CFAP61: variants seen among roughly 807,000 people sequenced by gnomAD.
CFAP61 encodes the protein cilia and flagella associated protein 61.
Under a neutral mutation model 135.6 loss-of-function variants are expected in CFAP61, and 107 were observed. That is an observed-to-expected ratio of 0.79 (90% CI 0.67 to 0.93). The LOEUF (loss-of-function observed/expected upper bound fraction) is 0.93, where lower values mean the gene tolerates loss of function less well. Ranked by LOEUF, CFAP61 falls within the 40% of genes least tolerant of loss-of-function variation. CFAP61 has a pLI of 0.00. For synonymous variants in CFAP61, 575 were observed against 578.5 expected (o/e 0.99, Z 0.09); for missense variants, 1,507 against 1,556.2 (o/e 0.97, Z 0.53).
chr20:20,237,738 G>T (rs2049707425), intron 18 of CFAP61, among the ~76,000 whole-genome samples: 1 of 152,136 alleles, frequency 6.6e-6, no homozygotes, highest in Non-Finnish European at 1.5e-5. Flanking sequence ...TCTTAAAATT[G>T]TTCTTTTACA....
intron 24 of CFAP61, among the ~76,000 whole-genome samples, chr20:20,297,018 G>A (rs562075216): frequency 8.6e-5 from 13 of 151,946 alleles, no homozygotes; most frequent in African/African-American, 3.1e-4. Flanking sequence ...AACCCCACTT[G>A]CTCCTCCCTC....
intron 10 of CFAP61, among the ~76,000 whole-genome samples, chr20:20,159,814 C>T (rs542360610): frequency 5.4e-4 from 83 of 152,352 alleles, no homozygotes; most frequent in South Asian, 2.1e-3. Context: ...CATACATACA[C>T]TTCTGTCCGT....
At chr20:20,253,718 G>A (rs1009985700) in intron 20 of CFAP61, 1 of 354,468 alleles carries the variant, frequency 2.8e-6, no homozygotes, top group African/African-American at 2.2e-5. Context: ...TCAGATACTG[G>A]GTGGCTCTTG....
chr20:20,195,140 C>T (rs997321485), intron 15 of CFAP61, among the ~76,000 whole-genome samples: 3 of 152,102 alleles, frequency 2.0e-5, no homozygotes, highest in Admixed American at 6.5e-5. Flanking sequence ...CCTAGGGTTC[C>T]GCCACTGGCC....
At chr20:20,081,450 C>T (rs956364395) in intron 6 of CFAP61, among the ~76,000 whole-genome samples, 7 of 152,156 alleles carry the variant, frequency 4.6e-5, no homozygotes, top group Admixed American at 2.6e-4. Context: ...TGTATAGAAG[C>T]AGCCCATTCA....
chr20:20,239,455 G>A (rs2049853355), intron 18 of CFAP61, among the ~76,000 whole-genome samples: 1 of 152,198 alleles, frequency 6.6e-6, no homozygotes, highest in Middle Eastern at 3.2e-3. Context: ...GGCCCAGCCA[G>A]AAGGACCTTT....
At chr20:20,066,066 A>T (rs1455786147) in intron 2 of CFAP61, among the ~76,000 whole-genome samples, 1 of 152,236 alleles carries the variant, frequency 6.6e-6, no homozygotes, top group Non-Finnish European at 1.5e-5. Flanking sequence ...GCCAACAGAC[A>T]TATGAAAAAA....
In CFAP61 at chr20:20,085,402, T is replaced by A. The variant is rs1303865054; in HGVS notation, c.567-5442T>A. 2.9e-6 allele frequency: 4 copies of A among 1,357,306 alleles called. No homozygotes were observed. The African/African-American group carries it at 4.5e-5, about 15-fold the overall frequency. 84.1% of individuals were successfully genotyped at this position (1,357,306 alleles called of 1,614,324 possible). On this transcript the variant is annotated intron_variant, in intron 6 of 26. Coordinates refer to ENST00000245957, the MANE Select transcript of CFAP61 (RefSeq NM_015585.4). ...CGGGCTGATGCAAGATCATAAATTA[T>A]CAATTACCCCAAGGAATGCATTTAG...
chr20:20,315,708 G>A (rs1046018830), intron 25 of CFAP61, among the ~76,000 whole-genome samples: 2 of 152,040 alleles, frequency 1.3e-5, no homozygotes, highest in African/African-American at 4.8e-5. Flanking sequence ...TTGAATTAAT[G>A]TTTGTATAAG....
At chr20:20,096,428 A>G (rs898672902) in intron 7 of CFAP61, among the ~76,000 whole-genome samples, 2 of 152,254 alleles carry the variant, frequency 1.3e-5, no homozygotes, top group Non-Finnish European at 2.9e-5. Context: ...CATTTTCATC[A>G]GAATGTGTGA....
At chr20:20,346,518 CAAA>C (rs533647243) in intron 26 of CFAP61, among the ~76,000 whole-genome samples, 1 of 131,970 alleles carries the variant, frequency 7.6e-6, no homozygotes, top group Non-Finnish European at 1.6e-5. Context: ...AACTCCGTCT[CAAA>C]AAAAAAAAAA....
chr20:20,294,894 G>C (rs1477600794), intron 24 of CFAP61, among the ~76,000 whole-genome samples: 1 of 150,464 alleles, frequency 6.6e-6, no homozygotes, highest in Non-Finnish European at 1.5e-5. Context: ...CGCCACTGCA[G>C]TCCGCAGTCC....
intron 26 of CFAP61, among the ~76,000 whole-genome samples, chr20:20,344,114 C>T (rs917499409): frequency 2.0e-5 from 3 of 152,224 alleles, no homozygotes; most frequent in Admixed American, 2.0e-4. Flanking sequence ...ATGGGAAAGG[C>T]CACAGGAAGT....
chr20:20,298,123 T>G, intron 24 of CFAP61, 58 bp from the exon 25 acceptor site: 1 of 1,227,376 alleles, frequency 8.1e-7, no homozygotes, highest in Non-Finnish European at 1.2e-6. Context: ...TATGATAAAG[T>G]TCCCAAAATC....
intron 8 of CFAP61, among the ~76,000 whole-genome samples, chr20:20,121,573 C>T (rs1362417573): frequency 6.6e-6 from 1 of 152,292 alleles, no homozygotes; most frequent in African/African-American, 2.4e-5. Context: ...TGGCACACCA[C>T]AACCTCTACC....
chr20:20,070,411 C>A (rs541446767), intron 2 of CFAP61, among the ~76,000 whole-genome samples: 2 of 152,154 alleles, frequency 1.3e-5, no homozygotes, highest in East Asian at 3.9e-4. Context: ...CCTAGTTTGC[C>A]CAGGACTTTC....
At chr20:20,149,548 G>A (rs966301374) in intron 9 of CFAP61, among the ~76,000 whole-genome samples, 2 of 152,176 alleles carry the variant, frequency 1.3e-5, no homozygotes, top group East Asian at 1.9e-4. Context: ...GTGTGAGGGG[G>A]GAAACTTGCT....
intron 18 of CFAP61, among the ~76,000 whole-genome samples, chr20:20,229,575 G>A (rs558962160): frequency 5.2e-4 from 79 of 152,222 alleles, no homozygotes; most frequent in South Asian, 4.2e-4. Context: ...GTGAAGGGCT[G>A]GGTAAGCAAA....
At chr20:20,287,559 G>A (rs544119195) in intron 22 of CFAP61, among the ~76,000 whole-genome samples, 14 of 152,328 alleles carry the variant, frequency 9.2e-5, no homozygotes, top group African/African-American at 2.9e-4. Flanking sequence ...AACCATTCAT[G>A]GGTGTGGGGC....
Sources: allele counts gnomAD v4.1 joint callset (sites outside exome capture counted in the v4.1 genomes callset), GRCh38; gene constraint gnomAD v4.1.1; transcripts MANE v1.5; gene names NCBI Gene and HGNC (gene_info 2026-07-23, HGNC 2026-07-21).